PPA2: variants seen among roughly 807,000 people sequenced by gnomAD.
The protein encoded by PPA2 is inorganic pyrophosphatase 2, mitochondrial.
Under a neutral mutation model 49.5 loss-of-function variants are expected in PPA2, and 48 were observed. The ratio of observed to expected loss-of-function variants is 0.97; its 90% CI spans 0.77 to 1.23. The LOEUF is 1.23. Among genes scored for constraint, PPA2 ranks in the 50% most tolerant of loss-of-function variants. The pLI is 0.00. For synonymous variants in PPA2, 131 were observed against 139.9 expected (o/e 0.94, Z 0.45); for missense variants, 429 against 410.1 (o/e 1.05, Z -0.40).
At chr4:105,452,655 TG>T (rs1370756068) in intron 3 of PPA2, among the ~76,000 whole-genome samples, 2 of 152,098 alleles carry the variant, frequency 1.3e-5, no homozygotes, top group Admixed American at 1.3e-4. Context: ...ATGCTGGAGC[TG>T]TAAGTTTCAG....
At chr4:105,427,532 C>G (rs1314132806) in intron 6 of PPA2, among the ~76,000 whole-genome samples, 3 of 152,002 alleles carry the variant, frequency 2.0e-5, no homozygotes, top group African/African-American at 7.2e-5. Context: ...AAAACCACAG[C>G]ACGAGAACTT....
chr4:105,465,728 G>A (rs1427631570), intron 1 of PPA2, among the ~76,000 whole-genome samples: 1 of 152,138 alleles, frequency 6.6e-6, no homozygotes, highest in East Asian at 1.9e-4. Context: ...ATTCAGTGTT[G>A]CAGGCCTGTT....
intron 6 of PPA2, among the ~76,000 whole-genome samples, chr4:105,430,138 T>C (rs888244002): frequency 2.0e-5 from 3 of 152,226 alleles, no homozygotes; most frequent in Non-Finnish European, 4.4e-5. Context: ...CAGTTTTACA[T>C]TTAGAAAACA....
chr4:105,443,628 C>T (rs1227286650), intron 5 of PPA2, among the ~76,000 whole-genome samples: 2 of 117,304 alleles, frequency 1.7e-5, no homozygotes, highest in African/African-American at 5.4e-5. Context: ...CACACACACA[C>T]ACACACACAG....
intron 10 of PPA2, among the ~76,000 whole-genome samples, chr4:105,373,493 T>C (rs1359830176): frequency 6.6e-6 from 1 of 152,160 alleles, no homozygotes; most frequent in Non-Finnish European, 1.5e-5. Flanking sequence ...TGTTTAGATT[T>C]CCTGCTTAAA....
chr4:105,392,135 T>C (rs573540697), intron 9 of PPA2, among the ~76,000 whole-genome samples: 6 of 152,218 alleles, frequency 3.9e-5, no homozygotes, highest in Admixed American at 1.3e-4. Flanking sequence ...TAAACTCAAA[T>C]GTCAAAAAAT....
intron 7 of PPA2, among the ~76,000 whole-genome samples, chr4:105,418,536 C>T (rs1723110656): frequency 6.6e-6 from 1 of 152,116 alleles, no homozygotes; most frequent in African/African-American, 2.4e-5. Context: ...AAGTGTGATG[C>T]CGGCCTATGA....
chr4:105,465,017 T>C (rs566769294), intron 1 of PPA2, among the ~76,000 whole-genome samples: 3 of 152,360 alleles, frequency 2.0e-5, no homozygotes, highest in African/African-American at 7.2e-5. Context: ...CTGAATTTTC[T>C]ATGCATTTCC....
chr4:105,403,155 C>T (rs1722301831), intron 7 of PPA2, among the ~76,000 whole-genome samples: 1 of 152,074 alleles, frequency 6.6e-6, no homozygotes, highest in African/African-American at 2.4e-5. Flanking sequence ...TTCCAAGAAG[C>T]TAGGACTACA....
intron 7 of PPA2, among the ~76,000 whole-genome samples, chr4:105,411,791 C>T (rs777757821): frequency 3.8e-4 from 58 of 152,192 alleles, no homozygotes; most frequent in Non-Finnish European, 5.7e-4. Context: ...TCCTATACAC[C>T]AATAACAGAC....
At chr4:105,411,286 A>G (rs961084503) in intron 7 of PPA2, among the ~76,000 whole-genome samples, 5 of 152,236 alleles carry the variant, frequency 3.3e-5, no homozygotes, top group Non-Finnish European at 7.3e-5. Flanking sequence ...AAAGACCTTA[A>G]ACCAACACGG....
At chr4:105,461,525 A>G (rs1455346634) in intron 1 of PPA2, among the ~76,000 whole-genome samples, 1 of 152,188 alleles carries the variant, frequency 6.6e-6, no homozygotes, top group Non-Finnish European at 1.5e-5. Flanking sequence ...TTTAGCCCTT[A>G]GGGAAGAAAA....
intron 3 of PPA2, among the ~76,000 whole-genome samples, chr4:105,450,540 T>A (rs1012094901): frequency 1.3e-5 from 2 of 149,204 alleles, no homozygotes; most frequent in Admixed American, 6.7e-5. Context: ...GCACGCCTGC[T>A]AATTTTTGTA....
At chr4:105,450,945 T>A (rs1016854315) in intron 3 of PPA2, among the ~76,000 whole-genome samples, 2 of 152,168 alleles carry the variant, frequency 1.3e-5, no homozygotes, top group East Asian at 1.9e-4. Context: ...GCATTTTTTT[T>A]AAGTATCTGT....
chr4:105,471,233 C>T (rs1723510855), intron 1 of PPA2, among the ~76,000 whole-genome samples: 1 of 152,094 alleles, frequency 6.6e-6, no homozygotes, highest in South Asian at 2.1e-4. Context: ...AAATGAGATG[C>T]AGGGAGGTGA....
At chr4:105,446,255 A>G in intron 5 of PPA2, 128 bp downstream of exon 5, 1 of 1,024,352 alleles carries the variant, frequency 9.8e-7, no homozygotes, top group African/African-American at 1.7e-5. Context: ...ACGTTAATAA[A>G]TTCCAAATTT....
chr4:105,428,193 A>C (rs1477817908), intron 6 of PPA2, among the ~76,000 whole-genome samples: 1 of 152,188 alleles, frequency 6.6e-6, no homozygotes, highest in African/African-American at 2.4e-5. Context: ...AGAGCTCCTG[A>C]AGGAAGCAAG....
intron 7 of PPA2, among the ~76,000 whole-genome samples, chr4:105,408,807 CAAG>C (rs911923468): frequency 6.6e-6 from 1 of 152,058 alleles, no homozygotes; most frequent in Non-Finnish European, 1.5e-5. Flanking sequence ...AAAAGATAAA[CAAG>C]AATACCTGAA....
chr4:105,459,827 T>C (rs1723012198), intron 1 of PPA2, among the ~76,000 whole-genome samples: 1 of 152,326 alleles, frequency 6.6e-6, no homozygotes, highest in East Asian at 1.9e-4. Flanking sequence ...CTCAGTTCCA[T>C]TTACATAACA....
Sources: gnomAD v4.1 joint callset for allele counts (sites outside exome capture counted in the v4.1 genomes callset) on GRCh38, gnomAD v4.1.1 for gene constraint, MANE v1.5 for transcripts, NCBI Gene and HGNC (gene_info 2026-07-23, HGNC 2026-07-21) for gene names.